Variants in ZDHHC11B observed in about 807,000 individuals in gnomAD.
ZDHHC11B encodes the protein zDHHC palmitoyltransferase 11B (putative).
ZDHHC11B carries 17 observed loss-of-function variants against 42.3 expected under a neutral mutation model. The observed-to-expected ratio is 0.40, with a 90% CI of 0.27 to 0.60. ZDHHC11B has a LOEUF of 0.60. ZDHHC11B is among the 20% of genes least tolerant of loss of function. The pLI is 0.41. For missense variants in ZDHHC11B, 262 were observed against 463.2 expected (o/e 0.57, Z 3.99); for synonymous variants, 123 against 193.5 (o/e 0.64, Z 3.02).
At chr5:736,153 C>T (rs375172140) in intron 10 of ZDHHC11B, among the ~76,000 whole-genome samples, 1 of 149,342 alleles carries the variant, frequency 6.7e-6, no homozygotes, top group African/African-American at 2.5e-5. Flanking sequence ...AAACCAACAG[C>T]AGGCAGGAGG....
chr5:732,821 G>A (rs1743125573), intron 11 of ZDHHC11B: 1 of 254,952 alleles, frequency 3.9e-6, no homozygotes. Context: ...CCTGAGCCTG[G>A]GGAATCACTT....
intron 13 of ZDHHC11B, among the ~76,000 whole-genome samples, chr5:714,698 CT>C (rs1343588292): frequency 2.5e-4 from 31 of 124,704 alleles, no homozygotes; most frequent in African/African-American, 8.6e-4. Flanking sequence ...ACTGAGCCAT[CT>C]TGTTTCAATC....
chr5:767,612 G>A (rs1217590495), intron 2 of ZDHHC11B, 88 bp from the exon 3 acceptor site: 2 of 1,064,484 alleles, frequency 1.9e-6, no homozygotes, highest in East Asian at 2.6e-5. Flanking sequence ...AGGGGCTGAG[G>A]GACCGCCTGG....
At chr5:774,864 G>A (rs970819359) in intron 1 of ZDHHC11B, among the ~76,000 whole-genome samples, 1 of 151,968 alleles carries the variant, frequency 6.6e-6, no homozygotes, top group African/African-American at 2.4e-5. Flanking sequence ...CAGCAGCCTC[G>A]GTGCTCCCTT....
In ZDHHC11B at chr5:746,777, TG is replaced by T. The variant is rs568448710; in HGVS notation, c.785-1480del. ...AGCCCCCCACGTGCTCAGCACACAGTGGGCATTGACTATTTTAACCCAGGGA... is the reference window on the plus strand; with the variant it reads ...AGCCCCCCACGTGCTCAGCACACAGTGGCATTGACTATTTTAACCCAGGGA... On this transcript the variant is annotated intron_variant, in intron 8 of 13. Transcript: ENST00000508859. 1.4e-4 allele frequency among the ~76,000 whole-genome samples: 21 copies of T among 149,642 alleles called. No individual in the cohort carries two copies. The South Asian group carries it at 4.8e-3, about 34-fold the overall frequency.
intron 1 of ZDHHC11B, among the ~76,000 whole-genome samples, chr5:775,051 G>C (rs1324085096): frequency 6.6e-6 from 1 of 151,920 alleles, no homozygotes; most frequent in African/African-American, 2.4e-5. Flanking sequence ...GAGTCAGTGG[G>C]AGCTACTACC....
intron 10 of ZDHHC11B, among the ~76,000 whole-genome samples, chr5:736,974 A>G (rs1379075925): frequency 7.0e-6 from 1 of 142,488 alleles, no homozygotes; most frequent in Non-Finnish European, 1.5e-5. Flanking sequence ...ATCAGAGCAG[A>G]ACTAAATGAA....
Position 732,592 on chromosome 5 carries a change from G to A in ZDHHC11B, c.1023+1160C>T, listed in dbSNP as rs1383561844. The A allele has an allele frequency of 4.2e-4, 185 of 444,846 alleles. 1 individual carries two copies. The highest frequency in any genetic ancestry group is 2.7e-3 in the South Asian group (171 of 62,654). The allele number at this position is 444,846 out of a possible 1,614,324, so 27.6% of individuals were successfully genotyped here. On this transcript the variant is annotated intron_variant, in intron 11 of 13. Coordinates refer to ENST00000508859, the MANE Select transcript of ZDHHC11B (RefSeq NM_001351303.2). ...ACCAGCCTCACTGTTCCTCCAGGTT[G>A]GGTGATCCATTTTCATTTCCAAGTC...
At position 767,254 on chromosome 5, in the gene ZDHHC11B, C is replaced by T. The variant is rs61604834; in HGVS notation, c.-1+138G>A. The T allele has an allele frequency of 0.012, 12,592 of 1,069,386 alleles. 460 individuals are homozygous for T. In the African/African-American group the frequency reaches 0.15, roughly 13 times the overall value. The allele number at this position is 1,069,386 out of a possible 1,614,324, so 66.2% of individuals were successfully genotyped here. On this transcript the variant is annotated intron_variant, in intron 3 of 13. Coordinates refer to ENST00000508859, the MANE Select transcript of ZDHHC11B (RefSeq NM_001351303.2). ...GACCTGGGTGGATGACTGAAAGCAA[C>T]GGGAAGACCTGAGCTGCCATCTGGA...
In ZDHHC11B at chr5:752,620, G is replaced by A. The variant is rs1198820248; in HGVS notation, c.504-1363C>T. ...ATGAATGCCGCAGTCGTCCGAAGAC[G>A]CAGTTAGGGCACAGCTGCCTTCCCC... On this transcript the variant is annotated intron_variant, in intron 6 of 13. Coordinates refer to ENST00000508859, the MANE Select transcript of ZDHHC11B (RefSeq NM_001351303.2). 6.2e-5 allele frequency among the ~76,000 whole-genome samples: 6 copies of A among 96,302 alleles called. 2 individuals are homozygous for A. The allele number at this position is 96,302 out of a possible 152,430, so 63.2% of individuals were successfully genotyped here. A position where few individuals can be genotyped will look rare whatever the true frequency, so the allele number is the denominator to read the frequency against.
In ZDHHC11B at chr5:745,168, A is replaced by G. The variant is rs1157980450; in HGVS notation, c.900+15T>C. The G allele has an allele frequency of 2.6e-6, 3 of 1,137,204 alleles. No individual in the cohort carries two copies. Among genetic ancestry groups the G allele is most frequent in the African/African-American group, 2.9e-5 (2 of 69,084 alleles). The allele number at this position is 1,137,204 out of a possible 1,614,324, so 70.4% of individuals were successfully genotyped here. On this transcript the variant is annotated intron_variant, in intron 9 of 13. Transcript: ENST00000508859. ...TCCCAGGCCTGGAGAAAAGGAGCAG[A>G]GAGACAGGTGGTACCTGGAGAAATC...
chr5:759,535 CAG>C (rs1361089568), intron 4 of ZDHHC11B, among the ~76,000 whole-genome samples: 3 of 152,122 alleles, frequency 2.0e-5, no homozygotes, highest in African/African-American at 4.8e-5. Flanking sequence ...CCAGATTAAA[CAG>C]AGTTACAGAT....
At chr5:754,772 G>T (rs1733579972) in intron 6 of ZDHHC11B, among the ~76,000 whole-genome samples, 1 of 94,638 alleles carries the variant, frequency 1.1e-5, no homozygotes, top group African/African-American at 3.3e-5. Context: ...GGCCTCCAGG[G>T]ACTTACTCTA....
chr5:777,150 G>T (rs1315165241), intron 1 of ZDHHC11B, among the ~76,000 whole-genome samples: 1 of 151,766 alleles, frequency 6.6e-6, no homozygotes, highest in African/African-American at 2.4e-5. Flanking sequence ...CAGATGTTCA[G>T]ATGCGTCTGG....
chr5:776,898 C>T (rs548049789), intron 1 of ZDHHC11B, among the ~76,000 whole-genome samples: 1 of 151,886 alleles, frequency 6.6e-6, no homozygotes, highest in African/African-American at 2.4e-5. Flanking sequence ...CCCTCCTGCT[C>T]CGCGGGACTC....
At chr5:754,182 C>G (rs201832148) in intron 6 of ZDHHC11B, among the ~76,000 whole-genome samples, 4,843 of 42,434 alleles carry the variant, frequency 0.11, 5 homozygotes, top group Middle Eastern at 0.18. Context: ...GGGGAAACAT[C>G]TCTCGTCTAT....
At chr5:760,725 C>G (rs393973) in intron 4 of ZDHHC11B, among the ~76,000 whole-genome samples, 50,459 of 148,162 alleles carry the variant, frequency 0.34, 6,588 homozygotes, top group South Asian at 0.43. Context: ...CCTAGCGTAA[C>G]TGTGATTCAG....
intron 4 of ZDHHC11B, among the ~76,000 whole-genome samples, chr5:766,254 A>C (rs549579984): frequency 6.6e-6 from 1 of 151,624 alleles, no homozygotes; most frequent in Non-Finnish European, 1.5e-5. Flanking sequence ...GGGAGACAGG[A>C]GCAGACACGG....
intron 1 of ZDHHC11B, among the ~76,000 whole-genome samples, chr5:772,807 G>C (rs1450369981): frequency 6.6e-6 from 1 of 151,808 alleles, no homozygotes; most frequent in Non-Finnish European, 1.5e-5. Flanking sequence ...CCGCCTCTGC[G>C]TGGGGTGTGT....
Sources: gnomAD v4.1 joint callset for allele counts (sites outside exome capture counted in the v4.1 genomes callset) on GRCh38, gnomAD v4.1.1 for gene constraint, MANE v1.5 for transcripts, NCBI Gene and HGNC (gene_info 2026-07-23, HGNC 2026-07-21) for gene names.